FHIT: variants seen among roughly 807,000 people sequenced by gnomAD.
FHIT encodes the protein fragile histidine triad diadenosine triphosphatase.
Under a neutral mutation model 17.9 loss-of-function variants are expected in FHIT, and 19 were observed. The ratio of observed to expected loss-of-function variants is 1.06; its 90% confidence interval spans 0.74 to 1.56. The LOEUF (loss-of-function observed/expected upper bound fraction) is 1.56. Ranked by LOEUF, FHIT falls within the 40% of genes most tolerant of loss-of-function variation. FHIT has a pLI of 0.00. For missense variants in FHIT, 248 were observed against 189.2 expected, an observed-to-expected ratio of 1.31 and a Z score of -1.82; for synonymous variants, 81 against 69.7, an observed-to-expected ratio of 1.16 and a Z score of -0.81.
chr3:60,270,540 G>C (rs1706809795), intron 5 of FHIT, among the ~76,000 whole-genome samples: 1 of 152,158 alleles, frequency 6.6e-6, no homozygotes. Context: ...AAAGCACTTG[G>C]ACTATAAATT....
At chr3:60,353,711 C>T (rs896493217) in intron 5 of FHIT, among the ~76,000 whole-genome samples, 2 of 151,952 alleles carry the variant, frequency 1.3e-5, no homozygotes, top group Non-Finnish European at 2.9e-5. Context: ...AGAAATGATA[C>T]AGAATAGCCA....
chr3:61,000,605 G>A (rs1359942262), intron 3 of FHIT, among the ~76,000 whole-genome samples: 2 of 152,048 alleles, frequency 1.3e-5, no homozygotes, highest in Admixed American at 6.6e-5. Context: ...GTTATTCAAC[G>A]GGAAGTGATA....
At chr3:60,779,143 G>C (rs1443326932) in intron 4 of FHIT, among the ~76,000 whole-genome samples, 1 of 152,158 alleles carries the variant, frequency 6.6e-6, no homozygotes, top group Non-Finnish European at 1.5e-5. Context: ...CAAATAATCA[G>C]GCCAAGTGTA....
chr3:59,823,592 A>T (rs1382389071), intron 8 of FHIT, among the ~76,000 whole-genome samples: 1 of 152,236 alleles, frequency 6.6e-6, no homozygotes, highest in Non-Finnish European at 1.5e-5. Flanking sequence ...AATTAAAAAA[A>T]AAATCACATG....
At chr3:60,411,750 A>G (rs373387801) in intron 5 of FHIT, among the ~76,000 whole-genome samples, 1 of 152,150 alleles carries the variant, frequency 6.6e-6, no homozygotes, top group Non-Finnish European at 1.5e-5. Flanking sequence ...CAAACCTCAC[A>G]TGTTGTATAA....
intron 5 of FHIT, among the ~76,000 whole-genome samples, chr3:60,125,911 C>T (rs1437334628): frequency 8.5e-5 from 13 of 152,152 alleles, no homozygotes; most frequent in Admixed American, 6.5e-5. Context: ...TGAGAGGCCT[C>T]TTTGTGTGAA....
intron 7 of FHIT, among the ~76,000 whole-genome samples, chr3:59,996,250 A>G (rs17061708): frequency 0.16 from 24,441 of 152,134 alleles, 2,113 homozygotes; most frequent in South Asian, 0.27. Flanking sequence ...AGTGGACAGC[A>G]TCAGATTTAA....
At chr3:59,976,782 G>A (rs1708432091) in intron 7 of FHIT, among the ~76,000 whole-genome samples, 1 of 152,110 alleles carries the variant, frequency 6.6e-6, no homozygotes, top group South Asian at 2.1e-4. Flanking sequence ...TGTTTCAAAT[G>A]TCAAGTGAAA....
At chr3:60,836,190 G>A (rs1702536040) in intron 3 of FHIT, among the ~76,000 whole-genome samples, 1 of 152,200 alleles carries the variant, frequency 6.6e-6, no homozygotes, top group Middle Eastern at 3.4e-3. Flanking sequence ...TTAATATTTT[G>A]TTCAGGATTG....
chr3:60,788,463 A>T (rs1700658722), intron 4 of FHIT, among the ~76,000 whole-genome samples: 1 of 152,198 alleles, frequency 6.6e-6, no homozygotes, highest in African/African-American at 2.4e-5. Flanking sequence ...ATATGTGTAT[A>T]TATATTTTAC....
At chr3:60,344,183 A>G (rs549886173) in intron 5 of FHIT, among the ~76,000 whole-genome samples, 1 of 152,274 alleles carries the variant, frequency 6.6e-6, no homozygotes, top group Non-Finnish European at 1.5e-5. Context: ...TGTATTTTCT[A>G]TATTTTACTG....
chr3:60,140,661 C>G (rs1700004783), intron 5 of FHIT, among the ~76,000 whole-genome samples: 1 of 151,294 alleles, frequency 6.6e-6, no homozygotes, highest in Non-Finnish European at 1.5e-5. Context: ...TCACCGCAAC[C>G]TCCACCTCCC....
rs191236417 is a variant in FHIT, at chr3:60,789,300, C to T, written c.-18+32619G>A. On this transcript the variant is annotated intron_variant, in intron 4 of 9. Coordinates refer to ENST00000492590, the MANE Select transcript of FHIT (RefSeq NM_002012.4). ...TTGGGAGGCCAAGGCGGGTAGATCA[C>T]GAGGTCAAGAGATCGATACCATCCT... is the stretch of plus-strand genomic sequence containing the variant. Among the ~76,000 whole-genome samples, 147 of 151,878 alleles carry T rather than the reference C, an allele frequency of 9.7e-4. 2 individuals are homozygous for T. Among genetic ancestry groups the T allele is most frequent in the Admixed American group, 7.2e-3 (110 of 15,236 alleles).
intron 5 of FHIT, among the ~76,000 whole-genome samples, chr3:60,180,292 C>T (rs896209680): frequency 6.6e-6 from 1 of 152,152 alleles, no homozygotes; most frequent in Non-Finnish European, 1.5e-5. Flanking sequence ...AATAACCCAA[C>T]TTGTGCTTAT....
At chr3:59,868,334 G>A (rs1191670119) in intron 8 of FHIT, among the ~76,000 whole-genome samples, 3 of 106,126 alleles carry the variant, frequency 2.8e-5, no homozygotes, top group East Asian at 3.2e-4. Flanking sequence ...CCATTTCCAC[G>A]CGGAAAAAAA....
intron 7 of FHIT, among the ~76,000 whole-genome samples, chr3:59,943,589 T>C (rs1706644560): frequency 6.6e-6 from 1 of 152,162 alleles, no homozygotes; most frequent in Admixed American, 6.6e-5. Flanking sequence ...ACCTTACTCC[T>C]GTCTGTAAAA....
intron 4 of FHIT, among the ~76,000 whole-genome samples, chr3:60,757,586 C>T (rs17680010): frequency 0.19 from 28,747 of 152,080 alleles, 3,337 homozygotes; most frequent in Non-Finnish European, 0.25. Flanking sequence ...GGTGAGGACA[C>T]TGAACTTAGC....
At chr3:60,460,560 C>T (rs527742436) in intron 5 of FHIT, among the ~76,000 whole-genome samples, 1 of 152,000 alleles carries the variant, frequency 6.6e-6, no homozygotes, top group African/African-American at 2.4e-5. Flanking sequence ...TATTATAAAC[C>T]TAGAAACTGT....
chr3:59,847,587 G>A (rs1701768190), intron 8 of FHIT, among the ~76,000 whole-genome samples: 1 of 152,084 alleles, frequency 6.6e-6, no homozygotes, highest in African/African-American at 2.4e-5. Flanking sequence ...TCAGCTCAGT[G>A]TCCATTGGTT....
Sources: gnomAD v4.1 joint callset for allele counts (sites outside exome capture counted in the v4.1 genomes callset) on GRCh38, gnomAD v4.1.1 for gene constraint, MANE v1.5 for transcripts, NCBI Gene and HGNC (gene_info 2026-07-23, HGNC 2026-07-21) for gene names.